SYN3: variants seen among roughly 807,000 people sequenced by gnomAD.
The protein encoded by SYN3 is synapsin-3.
A neutral mutation model predicts 65.8 loss-of-function variants in SYN3; 35 were observed. The ratio of observed to expected loss-of-function variants is 0.53; its 90% CI spans 0.41 to 0.70. The LOEUF (loss-of-function observed/expected upper bound fraction) is 0.70. Among genes scored for constraint, SYN3 ranks in the 30% least tolerant of loss-of-function variants. The pLI is 0.00. For missense variants in SYN3, 680 were observed against 749.0 expected (o/e 0.91, Z 1.08); for synonymous variants, 270 against 292.9 (o/e 0.92, Z 0.80).
intron 6 of SYN3, among the ~76,000 whole-genome samples, chr22:32,628,762 C>A (rs1269142600): frequency 6.6e-6 from 1 of 151,600 alleles, no homozygotes; most frequent in Non-Finnish European, 1.5e-5. Context: ...AAAAAAAAAA[C>A]CTCACTCAAA....
At position 32,828,360 on chromosome 22, in the gene SYN3, G is replaced by C. The variant is rs117258599; in HGVS notation, c.711+36555C>G. On this transcript the variant is annotated intron_variant, in intron 6 of 13. Transcript: ENST00000358763. ...CATTCTTTTATGTTGATGTGAAGTAGCAAATCTTTCAGAGATACAGGCCTC... is the reference window on the plus strand; with the variant it reads ...CATTCTTTTATGTTGATGTGAAGTACCAAATCTTTCAGAGATACAGGCCTC... Among the ~76,000 whole-genome samples, 1,483 of 152,324 alleles carry C rather than the reference G, an allele frequency of 9.7e-3. 12 individuals are homozygous for C. The highest frequency in any genetic ancestry group is 0.014 in the Non-Finnish European group (984 of 68,028).
At chr22:32,684,515 G>C (rs1257062397) in intron 6 of SYN3, among the ~76,000 whole-genome samples, 1 of 152,156 alleles carries the variant, frequency 6.6e-6, no homozygotes, top group African/African-American at 2.4e-5. Context: ...CCATCACCAA[G>C]CTCTTTTCTA....
At chr22:32,847,101 G>A (rs544850199) in intron 6 of SYN3, among the ~76,000 whole-genome samples, 17 of 152,206 alleles carry the variant, frequency 1.1e-4, no homozygotes, top group South Asian at 2.1e-4. Flanking sequence ...GCCAAGACTC[G>A]CTCCCTTGTT....
rs180884666 is a variant in SYN3, at chr22:33,019,499, C to T, written c.-162-12675G>A. Among the ~76,000 whole-genome samples, 81 of 152,216 alleles carry T rather than the reference C, an allele frequency of 5.3e-4. 1 individual carries two copies. Among genetic ancestry groups the T allele is most frequent in the Admixed American group, 4.9e-3 (75 of 15,284 alleles). The stretch of plus-strand genomic sequence containing the variant: ...TGCCTCAGTTTCCTCATCTGTAAAA[C>T]AGGAATAAAAAATAACGGCTACTTT... On this transcript the variant is annotated intron_variant, in intron 1 of 13. Transcript: ENST00000358763.
intron 4 of SYN3, among the ~76,000 whole-genome samples, chr22:32,870,074 A>C (rs1230057365): frequency 6.6e-6 from 1 of 152,218 alleles, no homozygotes; most frequent in African/African-American, 2.4e-5. Context: ...ACACAAAAAA[A>C]TCAGCCCAGG....
chr22:32,719,300 T>C (rs1301099627), intron 6 of SYN3, among the ~76,000 whole-genome samples: 2 of 152,228 alleles, frequency 1.3e-5, no homozygotes, highest in Non-Finnish European at 1.5e-5. Flanking sequence ...TTAAATATTA[T>C]AAGGAAGAAT....
At chr22:32,973,978 AG>A (rs774422548) in intron 3 of SYN3, among the ~76,000 whole-genome samples, 4 of 152,104 alleles carry the variant, frequency 2.6e-5, no homozygotes, top group African/African-American at 9.7e-5. Flanking sequence ...TAGTAGAAAC[AG>A]GGTTTCGCCA....
At chr22:32,709,290 G>C (rs377458735) in intron 6 of SYN3, among the ~76,000 whole-genome samples, 1 of 152,166 alleles carries the variant, frequency 6.6e-6, no homozygotes, top group African/African-American at 2.4e-5. Flanking sequence ...CAACTTGAAC[G>C]GCATCAAACC....
intron 6 of SYN3, among the ~76,000 whole-genome samples, chr22:32,747,611 A>C (rs1437823939): frequency 2.6e-5 from 4 of 152,200 alleles, no homozygotes; most frequent in Non-Finnish European, 5.9e-5. Context: ...ACCAACTAAA[A>C]ATCATAAAGC....
At chr22:32,943,546 G>A (rs2051006949) in intron 3 of SYN3, among the ~76,000 whole-genome samples, 1 of 152,108 alleles carries the variant, frequency 6.6e-6, no homozygotes, top group Non-Finnish European at 1.5e-5. Context: ...CAACTAACGA[G>A]CAAAATAACC....
At chr22:32,530,316 C>T (rs1473616735) in intron 10 of SYN3, 1 of 152,222 alleles carries the variant, frequency 6.6e-6, no homozygotes, top group African/African-American at 2.4e-5. Flanking sequence ...GAGGATCTCT[C>T]ATAAACCTCA....
chr22:32,711,883 G>A (rs143448389), intron 6 of SYN3, among the ~76,000 whole-genome samples: 136 of 152,248 alleles, frequency 8.9e-4, no homozygotes, highest in Non-Finnish European at 1.5e-3. Flanking sequence ...GGTGGAGAAC[G>A]AGGTACAGGG....
At chr22:32,985,688 T>C (rs144784405) in intron 2 of SYN3, among the ~76,000 whole-genome samples, 1 of 152,212 alleles carries the variant, frequency 6.6e-6, no homozygotes, top group African/African-American at 2.4e-5. Flanking sequence ...CCTGGCGTCC[T>C]TCATGATCTG....
chr22:32,533,491 G>A (rs2058111142), intron 10 of SYN3, among the ~76,000 whole-genome samples: 1 of 152,158 alleles, frequency 6.6e-6, no homozygotes, highest in Non-Finnish European at 1.5e-5. Flanking sequence ...GGCCCCATGG[G>A]ACAGTATCTT....
chr22:33,005,127 G>A (rs181611414), intron 2 of SYN3, among the ~76,000 whole-genome samples: 185 of 152,304 alleles, frequency 1.2e-3, no homozygotes, highest in Non-Finnish European at 2.0e-3. Flanking sequence ...CCCCAGCCAC[G>A]TGGAACTGTG....
At chr22:32,659,632 T>C (rs2060189584) in intron 6 of SYN3, among the ~76,000 whole-genome samples, 1 of 152,194 alleles carries the variant, frequency 6.6e-6, no homozygotes, top group Non-Finnish European at 1.5e-5. Flanking sequence ...CACAGGATAG[T>C]ATTAGAGTCC....
intron 3 of SYN3, among the ~76,000 whole-genome samples, chr22:32,980,346 G>T (rs2145648375): frequency 6.6e-6 from 1 of 152,328 alleles, no homozygotes; most frequent in Non-Finnish European, 1.5e-5. Flanking sequence ...AGAACAGACA[G>T]AAGTTGGGCT....
intron 6 of SYN3, among the ~76,000 whole-genome samples, chr22:32,688,416 G>A (rs2060620606): frequency 6.6e-6 from 1 of 152,140 alleles, no homozygotes; most frequent in Admixed American, 6.5e-5. Flanking sequence ...TGCCCGAGGT[G>A]GGAATGTTAC....
chr22:32,887,220 T>C (rs765825817), intron 4 of SYN3, among the ~76,000 whole-genome samples: 27 of 151,778 alleles, frequency 1.8e-4, no homozygotes, highest in Non-Finnish European at 3.1e-4. Context: ...CTACCAAAAA[T>C]AAACAATATT....
Sources: allele counts gnomAD v4.1 joint callset (sites outside exome capture counted in the v4.1 genomes callset), GRCh38; gene constraint gnomAD v4.1.1; transcripts MANE v1.5; gene names NCBI Gene and HGNC (gene_info 2026-07-23, HGNC 2026-07-21).